Variants in KAT14 observed in about 807,000 individuals in gnomAD.
KAT14 encodes the protein cysteine-rich protein 2-binding protein.
Under a neutral mutation model 78.4 loss-of-function variants are expected in KAT14, and 66 were observed. The ratio of observed to expected loss-of-function variants is 0.84; its 90% CI spans 0.69 to 1.03. The LOEUF (loss-of-function observed/expected upper bound fraction) is 1.03, where lower values mean the gene tolerates loss of function less well. Among genes scored for constraint, KAT14 ranks in the 50% least tolerant of loss-of-function variants. KAT14 has a pLI of 0.00. For synonymous variants in KAT14, 344 were observed against 359.4 expected, an observed-to-expected ratio of 0.96 and a Z score of 0.48; for missense variants, 870 against 972.5, an observed-to-expected ratio of 0.89 and a Z score of 1.40.
intron 1 of KAT14, among the ~76,000 whole-genome samples, chr20:18,139,229 T>G (rs2037426301): frequency 6.6e-6 from 1 of 152,194 alleles, no homozygotes; most frequent in Non-Finnish European, 1.5e-5. Flanking sequence ...GGGATTAAAA[T>G]GTGCTCCTAA....
chr20:18,144,886 G>C (rs1450873030), intron 2 of KAT14, among the ~76,000 whole-genome samples: 1 of 152,160 alleles, frequency 6.6e-6, no homozygotes, highest in Non-Finnish European at 1.5e-5. Context: ...TCCTAGCCCA[G>C]TGCCTGGTAT....
At position 18,150,684 on chromosome 20, in the gene KAT14, A is replaced by G. The variant is rs2037999537; in HGVS notation, c.379-137A>G. ...TAAATTCTACCCTGGGAATATTCCA[A>G]GATACCGTCCGTCCTTTGTTCGCTC... On this transcript the variant is annotated intron_variant, in intron 3 of 10. Transcript: ENST00000688188. The G allele has an allele frequency of 3.6e-6, 5 of 1,391,340 alleles. No individual in the cohort carries two copies. In the South Asian group the frequency reaches 5.7e-5, roughly 16 times the overall value. 86.2% of individuals were successfully genotyped at this position (1,391,340 alleles called of 1,614,324 possible).
intron 10 of KAT14, among the ~76,000 whole-genome samples, chr20:18,185,359 A>G (rs760975502): frequency 2.0e-5 from 3 of 152,128 alleles, no homozygotes; most frequent in Middle Eastern, 3.4e-3. Context: ...ACAGGTGCAC[A>G]CTGCCATGCC....
intron 4 of KAT14, among the ~76,000 whole-genome samples, chr20:18,158,504 A>G (rs975720389): frequency 6.6e-6 from 1 of 152,084 alleles, no homozygotes; most frequent in Non-Finnish European, 1.5e-5. Flanking sequence ...ATGTTTTGTT[A>G]TTTTGTTGTG....
intron 2 of KAT14, among the ~76,000 whole-genome samples, chr20:18,143,391 C>T (rs2037665126): frequency 6.6e-6 from 1 of 151,632 alleles, no homozygotes. Flanking sequence ...TCTTTTTTTC[C>T]ATTTTCCTTT....
chr20:18,187,477 G>A lies in KAT14; in HGVS notation c.*18G>A. On this transcript the variant is annotated 3_prime_UTR_variant, in exon 11 of 11. Transcript: ENST00000688188. ...GGCGCTGATGCGAATACAGCTCACA[G>A]AGAAACGCATGTGCTATTGGAGAAC... 1 of 1,613,550 alleles carries A rather than the reference G, an allele frequency of 6.2e-7. No homozygotes were observed. Among genetic ancestry groups the A allele is most frequent in the Non-Finnish European group, 8.5e-7 (1 of 1,179,850 alleles).
At position 18,144,554 on chromosome 20, in the gene KAT14, T is replaced by C. The variant is rs368674730; in HGVS notation, c.260-679T>C. 3.2e-4 allele frequency among the ~76,000 whole-genome samples: 49 copies of C among 152,290 alleles called. No individual in the cohort carries two copies. In the East Asian group the frequency reaches 6.6e-3, roughly 20 times the overall value. ...TCTAATCCTAAGCCTCCCCCTAATA[T>C]AGGTTGGGCCTCCTTTTATTTACCC... On this transcript the variant is annotated intron_variant, in intron 2 of 10. Coordinates refer to ENST00000688188, the MANE Select transcript of KAT14 (RefSeq NM_001392073.1).
At chr20:18,138,990 A>G (rs765625111) in intron 1 of KAT14, among the ~76,000 whole-genome samples, 1 of 152,152 alleles carries the variant, frequency 6.6e-6, no homozygotes, top group Non-Finnish European at 1.5e-5. Flanking sequence ...AAGGGTGAAA[A>G]TAATGGACTG....
intron 3 of KAT14, among the ~76,000 whole-genome samples, chr20:18,149,981 C>T (rs1221358961): frequency 6.6e-6 from 1 of 151,116 alleles, no homozygotes; most frequent in African/African-American, 2.5e-5. Context: ...TACAAAAAAA[C>T]ATCTATATGA....
chr20:18,153,538 T>A (rs2038121455), intron 4 of KAT14, among the ~76,000 whole-genome samples: 1 of 152,142 alleles, frequency 6.6e-6, no homozygotes, highest in Admixed American at 6.5e-5. Flanking sequence ...CTGGAAAAAA[T>A]TAGATTTAGA....
chr20:18,168,965 G>C (rs2038754773), intron 7 of KAT14, among the ~76,000 whole-genome samples: 1 of 151,878 alleles, frequency 6.6e-6, no homozygotes, highest in Non-Finnish European at 1.5e-5. Flanking sequence ...GTTTTCCGCA[G>C]TTCTCGGATA....
intron 1 of KAT14, among the ~76,000 whole-genome samples, chr20:18,139,060 T>C (rs2037418813): frequency 6.6e-6 from 1 of 152,234 alleles, no homozygotes; most frequent in Admixed American, 6.5e-5. Flanking sequence ...TGGACTGTGC[T>C]ATGTGCTTGA....
At chr20:18,137,859 G>A, upstream of KAT14, 1 of 1,230,552 alleles carries the variant, frequency 8.1e-7, no homozygotes, top group South Asian at 1.8e-5. Context: ...GCGCTCGAGG[G>A]GTCGAGCCTG....
Position 18,137,947 on chromosome 20 carries a change from A to G in KAT14, c.-558A>G, listed in dbSNP as rs768240006. 2.7e-6 allele frequency: 4 copies of G among 1,478,664 alleles called. No homozygotes were observed. The South Asian group carries it at 3.8e-5, about 14-fold the overall frequency. The allele number at this position is 1,478,664 out of a possible 1,614,324, so 91.6% of individuals were successfully genotyped here. On this transcript the variant is annotated 5_prime_UTR_variant, in exon 1 of 11. Coordinates refer to ENST00000688188, the MANE Select transcript of KAT14 (RefSeq NM_001392073.1). ...GCGGGAGAGAGAGGCCGCGGCCGCC[A>G]GCGTGGGGATGTCTAGGAGCTCGAA...
intron 4 of KAT14, among the ~76,000 whole-genome samples, chr20:18,153,598 G>A (rs2038124336): frequency 6.6e-6 from 1 of 152,152 alleles, no homozygotes; most frequent in Admixed American, 6.5e-5. Context: ...TTGTTTAAAT[G>A]CTTCATTTGT....
In KAT14 at chr20:18,187,565, A is replaced by T; in HGVS notation, c.*106A>T. 6.5e-7 allele frequency: 1 copy of T among 1,530,514 alleles called. No individual in the cohort carries two copies. The highest frequency in any genetic ancestry group is 1.4e-5 in the African/African-American group (1 of 70,658). 94.8% of individuals were successfully genotyped at this position (1,530,514 alleles called of 1,614,324 possible). A position where few individuals can be genotyped will look rare whatever the true frequency, so the allele number is the denominator to read the frequency against. On this transcript the variant is annotated 3_prime_UTR_variant, in exon 11 of 11. Coordinates refer to ENST00000688188, the MANE Select transcript of KAT14 (RefSeq NM_001392073.1). ...ACAGGGAGCTCTAATCTCTGTGATT[A>T]CATGGTCCTTCAAACTCCCAACCAA...
Position 18,187,354 on chromosome 20 carries a change from G to A in KAT14, c.2241G>A (p.Lys747=). ...ASNPAMLLYQ[K]FGFKTEEYVL... is the part of the protein sequence containing the mutation. The stretch of plus-strand genomic sequence containing the variant: ...ACCCCGCTATGCTACTGTACCAGAA[G>A]TTTGGATTCAAGACTGAAGAATATG... Residue 747 remains lysine (K), a synonymous_variant, in exon 11 of 11, where the codon AAG becomes AAA. Coordinates refer to ENST00000688188, the MANE Select transcript of KAT14 (RefSeq NM_001392073.1). 6.2e-7 allele frequency: 1 copy of A among 1,614,142 alleles called. No homozygotes were observed. The highest frequency in any genetic ancestry group is 8.5e-7 in the Non-Finnish European group (1 of 1,180,010).
chr20:18,140,339 C>T (rs1334038351), intron 1 of KAT14, among the ~76,000 whole-genome samples: 1 of 151,964 alleles, frequency 6.6e-6, no homozygotes, highest in Non-Finnish European at 1.5e-5. Context: ...TATATCAATC[C>T]CGGGACTCCT....
chr20:18,177,825 A>G (rs1226143849), intron 7 of KAT14, among the ~76,000 whole-genome samples: 1 of 152,176 alleles, frequency 6.6e-6, no homozygotes, highest in Non-Finnish European at 1.5e-5. Flanking sequence ...TTAGTACATG[A>G]CTGAGAGCCC....
Sources: gnomAD v4.1 joint callset for allele counts (sites outside exome capture counted in the v4.1 genomes callset) on GRCh38, gnomAD v4.1.1 for gene constraint, MANE v1.5 for transcripts, NCBI Gene and HGNC (gene_info 2026-07-23, HGNC 2026-07-21) for gene names.